Variants in EYS observed in about 807,000 individuals in gnomAD.
The protein encoded by EYS is protein eyes shut homolog.
Under a neutral mutation model 282.1 loss-of-function variants are expected in EYS, and 250 were observed. The observed-to-expected ratio is 0.89, with a 90% CI of 0.80 to 0.98. The LOEUF is 0.98. EYS is among the 50% of genes least tolerant of loss of function. The pLI is 0.00. For synonymous variants in EYS, 1,355 were observed against 1,282.9 expected (o/e 1.06, Z -1.20); for missense variants, 4,016 against 3,709.0 (o/e 1.08, Z -2.15).
intron 2 of EYS, among the ~76,000 whole-genome samples, chr6:65,603,020 T>C (rs901063942): frequency 6.6e-6 from 1 of 151,938 alleles, no homozygotes; most frequent in Non-Finnish European, 1.5e-5. Context: ...TTTAGGGTGA[T>C]AGTAACTGAG....
chr6:65,100,932 T>A (rs1195739534), intron 12 of EYS, among the ~76,000 whole-genome samples: 1 of 151,032 alleles, frequency 6.6e-6, no homozygotes, highest in Non-Finnish European at 1.5e-5. Context: ...CAATAGATAT[T>A]CACTCCAATA....
In EYS at chr6:64,388,642, C is replaced by T. The variant is rs1440152497; in HGVS notation, c.6078+48G>A. The stretch of plus-strand genomic sequence containing the variant: ...TTTCATTTATCAATATGATGATTTT[C>T]AATAATTATTTTCAATAATTAATAT... On this transcript the variant is annotated intron_variant, in intron 29 of 42. Transcript: ENST00000503581. 5.1e-6 allele frequency: 7 copies of T among 1,366,014 alleles called. No individual in the cohort carries two copies. The South Asian group carries it at 7.9e-5, about 15-fold the overall frequency. 84.6% of individuals were successfully genotyped at this position (1,366,014 alleles called of 1,614,324 possible). A position where few individuals can be genotyped will look rare whatever the true frequency, so the allele number is the denominator to read the frequency against.
rs574706410 is a variant in EYS at position 64,448,314 on chromosome 6, C to T, written c.5645-8962G>A. On this transcript the variant is annotated intron_variant, in intron 26 of 42. Transcript: ENST00000503581. ...GGTGGCAGTGAGCCTGGGGGAGGGG[C>T]GCCAGCCATTGCTTGGGCTTGAGTA... Among the ~76,000 whole-genome samples the T allele has an allele frequency of 1.2e-4, 19 of 152,304 alleles. No homozygotes were observed. The South Asian group carries it at 1.7e-3, about 13-fold the overall frequency.
At chr6:65,318,082 T>C (rs1460941324) in intron 11 of EYS, among the ~76,000 whole-genome samples, 1 of 151,450 alleles carries the variant, frequency 6.6e-6, no homozygotes. Flanking sequence ...TTAGCCAGGA[T>C]GGTCTTGATT....
intron 26 of EYS, among the ~76,000 whole-genome samples, chr6:64,543,017 G>A (rs1368666171): frequency 6.6e-6 from 1 of 152,108 alleles, no homozygotes; most frequent in Non-Finnish European, 1.5e-5. Flanking sequence ...AGGAAATGCT[G>A]TTACAGCTTT....
At chr6:63,980,588 T>A (rs2149789748) in intron 35 of EYS, among the ~76,000 whole-genome samples, 1 of 152,016 alleles carries the variant, frequency 6.6e-6, no homozygotes, top group Non-Finnish European at 1.5e-5. Flanking sequence ...CTATAAGGAA[T>A]TTCATCAGGC....
chr6:63,933,388 G>A (rs1182641765), intron 35 of EYS, among the ~76,000 whole-genome samples: 1 of 152,074 alleles, frequency 6.6e-6, no homozygotes, highest in Non-Finnish European at 1.5e-5. Flanking sequence ...TGTACTTTTA[G>A]TAGAGATGGG....
At chr6:65,111,851 C>G (rs566727420) in intron 12 of EYS, among the ~76,000 whole-genome samples, 2 of 152,220 alleles carry the variant, frequency 1.3e-5, no homozygotes, top group South Asian at 2.1e-4. Context: ...TATTTCCCCC[C>G]ACCAAAAAGT....
At chr6:65,697,899 A>G (rs1582615754) in intron 1 of EYS, among the ~76,000 whole-genome samples, 1 of 152,270 alleles carries the variant, frequency 6.6e-6, no homozygotes, top group East Asian at 1.9e-4. Flanking sequence ...AATGAAGCCA[A>G]TATGTGACAT....
rs371008308 is a variant in EYS at position 64,811,351 on chromosome 6, C to A, written c.3443+2027G>T. Reference sequence around the variant, plus strand: ...TTTATAGCAGTAATGAATGCCTATGCTTATCCCTGGGAAATATGCCAGGAA... The same window carrying A: ...TTTATAGCAGTAATGAATGCCTATGATTATCCCTGGGAAATATGCCAGGAA... On this transcript the variant is annotated intron_variant, in intron 22 of 42. Coordinates refer to ENST00000503581, the MANE Select transcript of EYS (RefSeq NM_001142800.2). 5.9e-5 allele frequency among the ~76,000 whole-genome samples: 9 copies of A among 151,786 alleles called. No homozygotes were observed. The South Asian group carries it at 1.9e-3, about 32-fold the overall frequency.
chr6:64,183,070 TAGTG>T (rs1431429829), intron 31 of EYS, among the ~76,000 whole-genome samples: 3 of 152,266 alleles, frequency 2.0e-5, no homozygotes, highest in Non-Finnish European at 2.9e-5. Flanking sequence ...TTCTCTGTGA[TAGTG>T]AGTGAGTTCT....
intron 12 of EYS, among the ~76,000 whole-genome samples, chr6:65,065,170 C>A (rs1433402826): frequency 6.6e-6 from 1 of 152,050 alleles, no homozygotes; most frequent in African/African-American, 2.4e-5. Context: ...AATTAATAGG[C>A]ATGTATTAAA....
chr6:65,414,634 G>A (rs1258126274), intron 5 of EYS, among the ~76,000 whole-genome samples: 2 of 151,788 alleles, frequency 1.3e-5, no homozygotes, highest in Non-Finnish European at 2.9e-5. Flanking sequence ...TCTAAGATAA[G>A]GAAAAAGAAT....
intron 15 of EYS, among the ~76,000 whole-genome samples, chr6:64,927,962 A>G (rs550020177): frequency 6.6e-6 from 1 of 152,212 alleles, no homozygotes; most frequent in African/African-American, 2.4e-5. Flanking sequence ...GAGGGTGGAA[A>G]TGAACTGTGA....
chr6:64,716,649 T>C (rs558948174), intron 22 of EYS, among the ~76,000 whole-genome samples: 32 of 152,296 alleles, frequency 2.1e-4, no homozygotes, highest in Non-Finnish European at 4.0e-4. Context: ...TCTTCACCAA[T>C]AGTGAAGAGC....
At chr6:64,850,248 T>C (rs1765840498) in intron 19 of EYS, among the ~76,000 whole-genome samples, 1 of 152,120 alleles carries the variant, frequency 6.6e-6, no homozygotes, top group African/African-American at 2.4e-5. Flanking sequence ...ATTCTTTCTA[T>C]ATTAACTATA....
intron 24 of EYS, among the ~76,000 whole-genome samples, chr6:64,611,789 A>G (rs1024550320): frequency 1.3e-5 from 2 of 152,276 alleles, no homozygotes; most frequent in Admixed American, 6.5e-5. Context: ...TTTAGTGAGT[A>G]TCCAAAAGAT....
intron 31 of EYS, among the ~76,000 whole-genome samples, chr6:64,121,381 T>A (rs115686589): frequency 0.019 from 2,927 of 152,286 alleles, 79 homozygotes; most frequent in African/African-American, 0.066. Flanking sequence ...ATACATATTA[T>A]TTCCATTTTA....
chr6:65,627,015 C>CTTTCTTTA (rs1766723879), intron 2 of EYS, among the ~76,000 whole-genome samples: 2 of 30,736 alleles, frequency 6.5e-5, no homozygotes, highest in Non-Finnish European at 1.1e-4. Context: ...TCTCTCTGCC[C>CTTTCTTTA]TTTCTTTCTT....
Sources: allele counts gnomAD v4.1 joint callset (sites outside exome capture counted in the v4.1 genomes callset), GRCh38; gene constraint gnomAD v4.1.1; transcripts MANE v1.5; gene names NCBI Gene and HGNC (gene_info 2026-07-23, HGNC 2026-07-21).